The following MYCT1 variants were observed in gnomAD, a reference collection of about 807,000 sequenced individuals.
The protein encoded by MYCT1 is myc target protein 1.
Under a neutral mutation model 15.0 loss-of-function variants are expected in MYCT1, and 12 were observed. That is an observed-to-expected ratio of 0.80 (90% CI 0.51 to 1.29). The LOEUF (loss-of-function observed/expected upper bound fraction) is 1.29. Ranked by LOEUF, MYCT1 falls within the 50% of genes most tolerant of loss-of-function variation. MYCT1 has a pLI of 0.00. For synonymous variants in MYCT1, 104 were observed against 102.7 expected (o/e 1.01, Z -0.07); for missense variants, 287 against 279.1 (o/e 1.03, Z -0.20).
At chr6:152,721,399 CT>C (rs1186068480) in intron 1 of MYCT1, among the ~76,000 whole-genome samples, 1 of 152,152 alleles carries the variant, frequency 6.6e-6, no homozygotes, top group Non-Finnish European at 1.5e-5. Flanking sequence ...CAACTTTGGG[CT>C]ACATTTGCAG....
chr6:152,737,994 A>C, the MYCT1 span, among the ~76,000 whole-genome samples: 1 of 152,148 alleles, frequency 6.6e-6, no homozygotes, highest in East Asian at 1.9e-4. Flanking sequence ...CCAATCAAAT[A>C]ATTTAAGGAA....
downstream of MYCT1, among the ~76,000 whole-genome samples, chr6:152,726,403 A>C (rs1040960803): frequency 1.3e-5 from 2 of 151,890 alleles, no homozygotes; most frequent in Non-Finnish European, 2.9e-5. Flanking sequence ...GTCTAAAAAA[A>C]AAAAAAAAAA....
chr6:152,742,471 G>T, the MYCT1 span, among the ~76,000 whole-genome samples: 1,222 of 152,248 alleles, frequency 8.0e-3, 18 homozygotes, highest in African/African-American at 0.028. Flanking sequence ...TGAGAATAGC[G>T]TGATCCAGGC....
chr6:152,705,002 T>C (rs1443136490), intron 1 of MYCT1, among the ~76,000 whole-genome samples: 2 of 152,138 alleles, frequency 1.3e-5, no homozygotes, highest in Non-Finnish European at 2.9e-5. Context: ...CATCTCCCTT[T>C]TTCCCTCACC....
chr6:152,740,296 C>T, the MYCT1 span, among the ~76,000 whole-genome samples: 1 of 152,096 alleles, frequency 6.6e-6, no homozygotes, highest in African/African-American at 2.4e-5. Flanking sequence ...GGCATTGGCC[C>T]ACCTCAGCCT....
intron 1 of MYCT1, among the ~76,000 whole-genome samples, chr6:152,714,126 C>T (rs114835121): frequency 0.016 from 2,480 of 152,030 alleles, 72 homozygotes; most frequent in African/African-American, 0.057. Flanking sequence ...ACATTTCTTA[C>T]TCTTGATATT....
the MYCT1 span, among the ~76,000 whole-genome samples, chr6:152,746,556 A>C: frequency 5.3e-5 from 8 of 152,354 alleles, no homozygotes; most frequent in Admixed American, 5.2e-4. Flanking sequence ...GGAAAGAGAA[A>C]CTGCAGATAA....
Position 152,721,731 on chromosome 6 carries a change from C to T in MYCT1, c.197-11C>T, listed in dbSNP as rs2099724731. 6.3e-7 allele frequency: 1 copy of T among 1,594,804 alleles called. No individual in the cohort carries two copies. Among genetic ancestry groups the T allele is most frequent in the Non-Finnish European group, 8.5e-7 (1 of 1,170,390 alleles). ...AAAAATTGATTTAGCAATTTGTTTT[C>T]TTTGTTTCAGAGGACCTTATCATGT... On this transcript the variant is annotated splice_polypyrimidine_tract_variant and intron_variant, in intron 1 of 1. Coordinates refer to ENST00000367245, the MANE Select transcript of MYCT1 (RefSeq NM_025107.3).
the MYCT1 span, among the ~76,000 whole-genome samples, chr6:152,729,778 G>T: frequency 2.0e-5 from 3 of 152,164 alleles, no homozygotes; most frequent in Admixed American, 2.0e-4. Flanking sequence ...CACCACAGGT[G>T]CTCAACAGAC....
Position 152,722,112 on chromosome 6 carries a change from T to C in MYCT1, c.567T>C (p.Ser189=). 1 of 1,614,166 alleles carries C rather than the reference T, an allele frequency of 6.2e-7. No homozygotes were observed. The highest frequency in any genetic ancestry group is 8.5e-7 in the Non-Finnish European group (1 of 1,180,028). The change falls in exon 2 of 2, where the codon TCT becomes TCC. Residue 189 remains serine, a synonymous_variant. Coordinates refer to ENST00000367245, the MANE Select transcript of MYCT1 (RefSeq NM_025107.3). The part of the protein sequence containing the change: ...ETESQLVTLP[S]SNISPTISTS... ...AGAGTCAGCTGGTGACTCTCCCTTC[T>C]TCCAATATCTCTCCCACCATCAGCA...
intron 1 of MYCT1, among the ~76,000 whole-genome samples, chr6:152,701,546 T>A (rs191303280): frequency 6.6e-6 from 1 of 152,250 alleles, no homozygotes; most frequent in East Asian, 1.9e-4. Context: ...CTCTGGGAAT[T>A]TTCTTTAAGG....
the MYCT1 span, among the ~76,000 whole-genome samples, chr6:152,734,794 T>C: frequency 1.3e-5 from 2 of 152,226 alleles, no homozygotes; most frequent in African/African-American, 4.8e-5. Context: ...CTCAGGCATA[T>C]TGTAGACTCT....
At chr6:152,703,787 G>A (rs1357404530) in intron 1 of MYCT1, among the ~76,000 whole-genome samples, 1 of 151,890 alleles carries the variant, frequency 6.6e-6, no homozygotes, top group East Asian at 1.9e-4. Flanking sequence ...CCAGTCTAAA[G>A]GCTTTAAGAC....
At position 152,722,018 on chromosome 6, in the gene MYCT1, G is replaced by A; in HGVS notation, c.473G>A (p.Arg158Lys). 1 of 1,614,152 alleles carries A rather than the reference G, an allele frequency of 6.2e-7. No homozygotes were observed. The highest frequency in any genetic ancestry group is 2.2e-5 in the East Asian group (1 of 44,876). ...ASLEQANSFP[R>K]KSSFRASTFH... ...CTGGAACAAGCAAATTCCTTTCCAA[G>A]AAAATCAAGTTTCAGAGCTTCTACT... Residue 158 changes from arginine to lysine, a missense_variant, in exon 2 of 2, where the codon AGA (arginine) becomes AAA (lysine). Coordinates refer to ENST00000367245, the MANE Select transcript of MYCT1 (RefSeq NM_025107.3).
At chr6:152,707,713 TG>T (rs2099722539) in intron 1 of MYCT1, among the ~76,000 whole-genome samples, 1 of 152,070 alleles carries the variant, frequency 6.6e-6, no homozygotes. Context: ...CTTCTGCATG[TG>T]GATATGCAGT....
chr6:152,743,416 G>A, the MYCT1 span, among the ~76,000 whole-genome samples: 1 of 152,154 alleles, frequency 6.6e-6, no homozygotes, highest in Admixed American at 6.6e-5. Flanking sequence ...GCCACAGAAA[G>A]GAGTGTGGAC....
chr6:152,702,538 A>C (rs751529696), intron 1 of MYCT1, among the ~76,000 whole-genome samples: 2 of 152,124 alleles, frequency 1.3e-5, no homozygotes, highest in Non-Finnish European at 2.9e-5. Context: ...AAGTGCTGTC[A>C]AGAGGAGGGA....
At chr6:152,725,580 C>G (rs986858273), downstream of MYCT1, among the ~76,000 whole-genome samples, 4 of 152,168 alleles carry the variant, frequency 2.6e-5, no homozygotes, top group Admixed American at 6.5e-5. Flanking sequence ...GCCACCATGC[C>G]CGGCCCACAA....
Position 152,722,975 on chromosome 6 carries a change from C to G in MYCT1, c.*722C>G. On this transcript the variant is annotated 3_prime_UTR_variant, in exon 2 of 2. Transcript: ENST00000367245. ...AAGGCTGGTCTCAAACTCCTAAACT[C>G]AGATGATCCTCCTGCCTCGGCCTCC... 6.3e-6 allele frequency: 1 copy of G among 158,564 alleles called. No homozygotes were observed. The highest frequency in any genetic ancestry group is 1.4e-5 in the Non-Finnish European group (1 of 71,800). 9.8% of individuals were successfully genotyped at this position (158,564 alleles called of 1,614,324 possible).
Sources: allele counts gnomAD v4.1 joint callset (sites outside exome capture counted in the v4.1 genomes callset), GRCh38; gene constraint gnomAD v4.1.1; transcripts MANE v1.5; gene names NCBI Gene and HGNC (gene_info 2026-07-23, HGNC 2026-07-21).